The following PSTPIP2 variants were observed in gnomAD, a reference collection of about 807,000 sequenced individuals.
PSTPIP2 encodes the protein proline-serine-threonine phosphatase interacting protein 2.
PSTPIP2 carries 33 observed loss-of-function variants against 63.3 expected under a neutral mutation model. That is an observed-to-expected ratio of 0.52 (90% CI 0.40 to 0.70). PSTPIP2 has a LOEUF of 0.70. Among genes scored for constraint, PSTPIP2 ranks in the 30% least tolerant of loss-of-function variants. The pLI, the probability that PSTPIP2 is intolerant of heterozygous loss-of-function variation, is 0.00. For synonymous variants in PSTPIP2, 125 were observed against 132.7 expected, an observed-to-expected ratio of 0.94 and a Z score of 0.40; for missense variants, 312 against 400.7, an observed-to-expected ratio of 0.78 and a Z score of 1.89.
intron 4 of PSTPIP2, among the ~76,000 whole-genome samples, chr18:46,013,061 T>G (rs903818757): frequency 2.0e-5 from 3 of 151,474 alleles, no homozygotes; most frequent in African/African-American, 7.2e-5. Context: ...GTTGTCTCAT[T>G]TTAATTTTTA....
Position 46,041,739 on chromosome 18 carries a change from T to C in PSTPIP2, c.34-1692A>G, listed in dbSNP as rs79603337. 7.0e-3 allele frequency among the ~76,000 whole-genome samples: 1,064 copies of C among 152,274 alleles called. 7 individuals carry two copies. Among genetic ancestry groups the C allele is most frequent in the African/African-American group, 0.024 (997 of 41,534 alleles). Reference sequence around the variant, plus strand: ...CTAAGGAGGCTGGTTCCCTCCTTTCTACCCCTGAATGCATACAATGGGTTG... The same window carrying C: ...CTAAGGAGGCTGGTTCCCTCCTTTCCACCCCTGAATGCATACAATGGGTTG... On this transcript the variant is annotated intron_variant, in intron 1 of 14. Coordinates refer to ENST00000409746, the MANE Select transcript of PSTPIP2 (RefSeq NM_024430.4).
At position 46,002,780 on chromosome 18, in the gene PSTPIP2, A is replaced by ACC. The variant is rs35949928; in HGVS notation, c.417+2687_417+2688dup. The stretch of plus-strand genomic sequence containing the variant: ...AGGCCAGCCTGGGCAACATTGTGAG[A>ACC]CCCCCCCATCTCAAAAAAAGTGTCT... On this transcript the variant is annotated intron_variant, in intron 6 of 14. Transcript: ENST00000409746. Among the ~76,000 whole-genome samples the ACC allele has an allele frequency of 3.7e-4, 56 of 151,784 alleles. No individual in the cohort carries two copies. In the East Asian group the frequency reaches 6.2e-3, roughly 17 times the overall value.
intron 4 of PSTPIP2, among the ~76,000 whole-genome samples, chr18:46,013,822 A>G (rs1471220786): frequency 6.6e-6 from 1 of 152,114 alleles, no homozygotes; most frequent in Non-Finnish European, 1.5e-5. Flanking sequence ...ATAGAACTTC[A>G]CCCCAACAGA....
chr18:45,994,132 C>T (rs1370431355), intron 9 of PSTPIP2, among the ~76,000 whole-genome samples: 6 of 151,934 alleles, frequency 3.9e-5, no homozygotes, highest in Admixed American at 1.3e-4. Flanking sequence ...CATGGGAGGC[C>T]GTGTACTTGT....
chr18:46,049,587 A>T (rs1401711048), intron 1 of PSTPIP2, among the ~76,000 whole-genome samples: 1 of 152,236 alleles, frequency 6.6e-6, no homozygotes, highest in Non-Finnish European at 1.5e-5. Flanking sequence ...CAATCCCATA[A>T]AAATGAACAA....
intron 6 of PSTPIP2, among the ~76,000 whole-genome samples, chr18:46,000,159 A>G (rs958120552): frequency 6.6e-6 from 1 of 152,028 alleles, no homozygotes; most frequent in African/African-American, 2.4e-5. Context: ...TAACAACAAC[A>G]ACAACAATTA....
intron 1 of PSTPIP2, among the ~76,000 whole-genome samples, chr18:46,056,991 C>G (rs1375568301): frequency 6.6e-6 from 1 of 152,006 alleles, no homozygotes; most frequent in Non-Finnish European, 1.5e-5. Flanking sequence ...GTAATCCCAG[C>G]TACTTGGGAG....
chr18:46,009,380 A>AC (rs1329201133), intron 5 of PSTPIP2, among the ~76,000 whole-genome samples: 1 of 135,112 alleles, frequency 7.4e-6, no homozygotes, highest in Non-Finnish European at 1.5e-5. Context: ...AAAAAAAAAA[A>AC]AAAAAAAAAA....
intron 6 of PSTPIP2, among the ~76,000 whole-genome samples, chr18:46,003,859 C>A (rs1020689780): frequency 6.6e-6 from 1 of 151,216 alleles, no homozygotes; most frequent in Non-Finnish European, 1.5e-5. Context: ...TGGGTTCAAG[C>A]GATTCTCCTG....
chr18:46,000,588 G>A (rs1334736536), intron 6 of PSTPIP2, among the ~76,000 whole-genome samples: 2 of 152,116 alleles, frequency 1.3e-5, no homozygotes, highest in African/African-American at 2.4e-5. Context: ...GGCTGGTCTC[G>A]AACTCCTGAC....
intron 2 of PSTPIP2, chr18:46,028,192 G>A (rs1454695802): frequency 8.4e-6 from 3 of 358,220 alleles, no homozygotes; most frequent in African/African-American, 4.4e-5. Context: ...GCGCAGTGAG[G>A]TTTCACGCGA....
Position 45,985,509 on chromosome 18 carries a change from C to A in PSTPIP2, c.*9-59G>T, listed in dbSNP as rs1215945966. On this transcript the variant is annotated intron_variant, in intron 14 of 14. Transcript: ENST00000409746. ...TGAAAGGTGCTTGTCAATACTCTCTCCTACCTTGAGAGTATATTCAACAAG... is the reference window on the plus strand; with the variant it reads ...TGAAAGGTGCTTGTCAATACTCTCTACTACCTTGAGAGTATATTCAACAAG... 3 of 1,546,512 alleles carry A rather than the reference C, an allele frequency of 1.9e-6. No individual in the cohort carries two copies. The African/African-American group carries it at 4.1e-5, about 21-fold the overall frequency.
chr18:46,036,888 A>G (rs1269253934), intron 2 of PSTPIP2, among the ~76,000 whole-genome samples: 1 of 152,098 alleles, frequency 6.6e-6, no homozygotes, highest in Non-Finnish European at 1.5e-5. Context: ...GGACTCTGAC[A>G]CTTCTGGAAA....
At chr18:46,042,563 A>C (rs564938537) in intron 1 of PSTPIP2, among the ~76,000 whole-genome samples, 1 of 152,156 alleles carries the variant, frequency 6.6e-6, no homozygotes, top group African/African-American at 2.4e-5. Flanking sequence ...TCCCCTCCCA[A>C]AAAATCTTAT....
chr18:46,043,621 A>G (rs147051485), intron 1 of PSTPIP2, among the ~76,000 whole-genome samples: 92 of 152,358 alleles, frequency 6.0e-4, no homozygotes, highest in African/African-American at 2.2e-3. Flanking sequence ...TGCTCTCACT[A>G]CTTCTATTCA....
chr18:46,020,818 T>G (rs1907319536), intron 3 of PSTPIP2, among the ~76,000 whole-genome samples: 1 of 152,238 alleles, frequency 6.6e-6, no homozygotes, highest in Admixed American at 6.5e-5. Context: ...GAAGGAAAAC[T>G]GACTGGCTTT....
intron 3 of PSTPIP2, among the ~76,000 whole-genome samples, chr18:46,023,230 A>G (rs1340733596): frequency 6.6e-6 from 1 of 152,196 alleles, no homozygotes; most frequent in Non-Finnish European, 1.5e-5. Flanking sequence ...ATGTTTACCT[A>G]TATAACAAAC....
chr18:46,043,068 C>T (rs1908248340), intron 1 of PSTPIP2, among the ~76,000 whole-genome samples: 1 of 151,816 alleles, frequency 6.6e-6, no homozygotes. Context: ...TGCAGTCCCA[C>T]TCAAAGAGTT....
At chr18:46,018,027 A>G (rs1031651231) in intron 3 of PSTPIP2, among the ~76,000 whole-genome samples, 5 of 152,012 alleles carry the variant, frequency 3.3e-5, no homozygotes, top group Admixed American at 2.6e-4. Flanking sequence ...AGTATTTTCT[A>G]TTTTATTTAT....
Sources: gnomAD v4.1 joint callset for allele counts (sites outside exome capture counted in the v4.1 genomes callset) on GRCh38, gnomAD v4.1.1 for gene constraint, MANE v1.5 for transcripts, NCBI Gene and HGNC (gene_info 2026-07-23, HGNC 2026-07-21) for gene names.